RACK1: variants seen among roughly 807,000 people sequenced by gnomAD.
The protein encoded by RACK1 is receptor for activated C kinase 1.
A neutral mutation model predicts 42.2 loss-of-function variants in RACK1; 3 were observed. The observed-to-expected ratio is 0.07, with a 90% confidence interval of 0.03 to 0.18. The LOEUF is 0.18. Ranked by LOEUF, RACK1 falls within the 10% of genes least tolerant of loss-of-function variation. RACK1 has a pLI of 1.00. For synonymous variants in RACK1, 181 were observed against 154.8 expected, an observed-to-expected ratio of 1.17 and a Z score of -1.25; for missense variants, 146 against 403.2, an observed-to-expected ratio of 0.36 and a Z score of 5.46.
intron 1 of RACK1, chr5:181,243,470 G>C (rs3909372): frequency 0.057 from 84,470 of 1,475,938 alleles, 4,287 homozygotes; most frequent in East Asian, 0.27. Flanking sequence ...TAGCAGCTGC[G>C]AGCTGATGTA....
intron 1 of RACK1, chr5:181,242,840 T>C (rs1582300083): frequency 9.1e-6 from 3 of 328,600 alleles, no homozygotes; most frequent in Admixed American, 4.6e-5. Context: ...ATTATAGGCG[T>C]GAGCCACCGC....
In RACK1 at chr5:181,238,204, G is replaced by A; in HGVS notation, c.672C>T (p.Gly224=). The change falls in exon 6 of 8, where the codon GGC becomes GGT. Residue 224 remains glycine, a synonymous_variant. Coordinates refer to ENST00000512805, the MANE Select transcript of RACK1 (RefSeq NM_006098.5). The stretch of plus-strand genomic sequence containing the variant: ...CACCATCTAGCGTGTAAAGGTGTTT[G>A]CCTTCGTTGAGATCCCATAACATGG... ...GQAMLWDLNE[G]KHLYTLDGGD... 1.2e-6 allele frequency: 2 copies of A among 1,613,948 alleles called. No homozygotes were observed. The highest frequency in any genetic ancestry group is 1.7e-6 in the Non-Finnish European group (2 of 1,179,928).
chr5:181,243,521 G>C, intron 1 of RACK1, 171 bp downstream of exon 1: 2 of 1,410,260 alleles, frequency 1.4e-6, no homozygotes, highest in South Asian at 1.4e-5. Flanking sequence ...CCCGGGTTGA[G>C]GCCTAGGCTC....
chr5:181,242,579 AT>A, intron 1 of RACK1: 1 of 581,098 alleles, frequency 1.7e-6, no homozygotes, highest in South Asian at 1.5e-5. Context: ...TTTTCTTGAG[AT>A]GGAGTCTCGC....
intron 6 of RACK1, 155 bp from the exon 7 acceptor site, chr5:181,237,874 G>A: frequency 1.5e-6 from 1 of 662,282 alleles, no homozygotes; most frequent in South Asian, 1.8e-5. Context: ...ACTAGTGGAA[G>A]GATGGTTTGC....
chr5:181,242,523 G>C lies in RACK1; in HGVS notation c.110-178C>G, dbSNP rs998521254. On this transcript the variant is annotated intron_variant, in intron 1 of 7. Transcript: ENST00000512805. ...ACCAGGACTGAGTGGCTCTATTCCA[G>C]ACTAAAAACGCACGTAGAGGTAAAC... 2.9e-5 allele frequency: 20 copies of C among 682,432 alleles called. No homozygotes were observed. In the East Asian group the frequency reaches 5.5e-4, roughly 19 times the overall value. The allele number at this position is 682,432 out of a possible 1,614,324, so 42.3% of individuals were successfully genotyped here.
In RACK1 at chr5:181,238,257, A is replaced by C. The variant is rs1469073302; in HGVS notation, c.637-18T>G. The C allele has an allele frequency of 6.2e-7, 1 of 1,613,428 alleles. No homozygotes were observed. The stretch of plus-strand genomic sequence containing the variant: ...TGGCCATCCTGGACACAGGTAAGGT[A>C]AATCAGGACACTGTGACCTCTTCCA... On this transcript the variant is annotated intron_variant, in intron 5 of 7. Coordinates refer to ENST00000512805, the MANE Select transcript of RACK1 (RefSeq NM_006098.5).
intron 1 of RACK1, 92 bp from the exon 2 acceptor site, chr5:181,242,437 G>T (rs1204390184): frequency 2.3e-5 from 19 of 842,464 alleles, no homozygotes; most frequent in Non-Finnish European, 3.7e-5. Flanking sequence ...GTCATGAGTG[G>T]GTTAACAACA....
chr5:181,239,724 C>T (rs573982440), intron 3 of RACK1, 142 bp from the exon 4 acceptor site: 14 of 574,550 alleles, frequency 2.4e-5, no homozygotes, highest in Non-Finnish European at 3.8e-5. Flanking sequence ...CAATAGAATC[C>T]CTTTAGATTC....
At chr5:181,237,782 CCCT>C in intron 6 of RACK1, 63 bp from the exon 7 acceptor site, 1 of 945,384 alleles carries the variant, frequency 1.1e-6, no homozygotes, top group Admixed American at 1.7e-5. Flanking sequence ...TCTTAAAAGC[CCCT>C]CAAGATTCTC....
At chr5:181,243,258 G>C (rs1224568262) in intron 1 of RACK1, 1 of 1,350,118 alleles carries the variant, frequency 7.4e-7, no homozygotes, top group Non-Finnish European at 9.8e-7. Flanking sequence ...CGACACTTGA[G>C]CCACGAGGTC....
chr5:181,239,362 A>G, intron 4 of RACK1, 125 bp downstream of exon 4: 1 of 798,744 alleles, frequency 1.3e-6, no homozygotes, highest in Non-Finnish European at 2.2e-6. Context: ...AAGGGACATC[A>G]GACCATGTGA....
chr5:181,241,941 C>G, intron 2 of RACK1: 2 of 767,660 alleles, frequency 2.6e-6, no homozygotes, highest in Non-Finnish European at 4.7e-6. Context: ...AAAACATGTT[C>G]AAACTGCTGC....
chr5:181,239,235 G>T, intron 4 of RACK1, 58 bp from the exon 5 acceptor site: 2 of 1,189,266 alleles, frequency 1.7e-6, no homozygotes, highest in Non-Finnish European at 2.5e-6. Flanking sequence ...CTAGGGTCAG[G>T]CCCAACAAAA....
intron 3 of RACK1, 64 bp downstream of exon 3, chr5:181,241,426 CAA>C (rs57063983): frequency 0.052 from 52,444 of 1,017,092 alleles, no homozygotes; most frequent in South Asian, 0.059. Flanking sequence ...AGACTGTCGC[CAA>C]AAAAAAAAAA....
At chr5:181,243,659 A>T (rs1401320324) in intron 1 of RACK1, 33 bp downstream of exon 1, 3 of 1,562,124 alleles carry the variant, frequency 1.9e-6, no homozygotes. Context: ...CAGCCCTGCA[A>T]TCTCGGGTCC....
In RACK1 at chr5:181,239,589, A is replaced by G. The variant is rs1359340928; in HGVS notation, c.430-7T>C. On this transcript the variant is annotated splice_polypyrimidine_tract_variant and splice_region_variant and intron_variant, in intron 3 of 7. Transcript: ENST00000512805. ...ACTCTGAGTGGCTCTCATCCTACAG[A>G]AGATGGAAAGGAAATTAGGGCAAAC... 3 of 1,598,752 alleles carry G rather than the reference A, an allele frequency of 1.9e-6. No individual in the cohort carries two copies. Among genetic ancestry groups the G allele is most frequent in the African/African-American group, 2.7e-5 (2 of 74,608 alleles).
rs148262737 is a variant in RACK1, at chr5:181,243,170, G to A, written c.109+522C>T. 2.7e-4 allele frequency: 218 copies of A among 796,132 alleles called. 3 individuals are homozygous for A. In the East Asian group the frequency reaches 0.012, roughly 44 times the overall value. 49.3% of individuals were successfully genotyped at this position (796,132 alleles called of 1,614,324 possible). On this transcript the variant is annotated intron_variant, in intron 1 of 7. Coordinates refer to ENST00000512805, the MANE Select transcript of RACK1 (RefSeq NM_006098.5). ...ATTCTTAACAGTGTAGCAGCAAAGCGGAAGCACAAGAAGCGTCTAAACGCA... is the reference window on the plus strand; with the variant it reads ...ATTCTTAACAGTGTAGCAGCAAAGCAGAAGCACAAGAAGCGTCTAAACGCA...
At chr5:181,237,518 C>A in intron 7 of RACK1, 91 bp downstream of exon 7, 1 of 785,306 alleles carries the variant, frequency 1.3e-6, no homozygotes. Context: ...AAGGACACTG[C>A]TCTTGTGTCT....
Sources: allele counts gnomAD v4.1 joint callset, GRCh38; gene constraint gnomAD v4.1.1; transcripts MANE v1.5; gene names NCBI Gene and HGNC (gene_info 2026-07-23, HGNC 2026-07-21).